KCNH1: variants seen among roughly 807,000 people sequenced by gnomAD.
KCNH1 encodes the protein potassium voltage-gated channel subfamily H member 1, also known as voltage-gated delayed rectifier potassium channel KCNH1.
Under a neutral mutation model 69.2 loss-of-function variants are expected in KCNH1, and 27 were observed. The observed-to-expected ratio is 0.39, with a 90% CI of 0.29 to 0.54. The LOEUF is 0.54. Ranked by LOEUF, KCNH1 falls within the 20% of genes least tolerant of loss-of-function variation. The probability of loss-of-function intolerance (pLI) is 0.68; values close to 1 mark genes in which losing one functional copy is unlikely to be tolerated. For missense variants in KCNH1, 798 were observed against 1,261.6 expected (o/e 0.63, Z 5.57); for synonymous variants, 456 against 487.7 (o/e 0.93, Z 0.86).
chr1:210,958,381 T>C (rs1688223045), intron 6 of KCNH1, among the ~76,000 whole-genome samples: 2 of 152,310 alleles, frequency 1.3e-5, no homozygotes, highest in South Asian at 4.1e-4. Context: ...CTGACAATTA[T>C]GTGACTTGGG....
rs185656618 is a variant in KCNH1 at position 211,067,891 on chromosome 1, G to A, written c.558+14889C>T. ...CGAACAAGTCAGTGAACTACCCTAT[G>A]CCTCTGTTTCCTCCTCTGTAAAACC... On this transcript the variant is annotated intron_variant, in intron 5 of 10. Coordinates refer to ENST00000271751, the MANE Select transcript of KCNH1 (RefSeq NM_172362.3). Among the ~76,000 whole-genome samples, 7 of 152,336 alleles carry A rather than the reference G, an allele frequency of 4.6e-5. No individual in the cohort carries two copies. In the Middle Eastern group the frequency reaches 0.014, roughly 296 times the overall value.
At chr1:210,967,184 G>A (rs1255231173) in intron 6 of KCNH1, among the ~76,000 whole-genome samples, 2 of 152,004 alleles carry the variant, frequency 1.3e-5, no homozygotes, top group Non-Finnish European at 2.9e-5. Context: ...GGGTTGGGGG[G>A]CTAGGGGAGG....
chr1:210,682,370 T>A lies in KCNH1; in HGVS notation c.*911A>T, dbSNP rs1681289797. On this transcript the variant is annotated 3_prime_UTR_variant, in exon 11 of 11. Coordinates refer to ENST00000271751, the MANE Select transcript of KCNH1 (RefSeq NM_172362.3). ...GTCTGCTTTGTTAATAAAGCAACTC[T>A]GGGCTCATGACCCTTCCTGCCGATG... The A allele has an allele frequency of 6.6e-6, 1 of 152,258 alleles. No homozygotes were observed. Among genetic ancestry groups the A allele is most frequent in the African/African-American group, 2.4e-5 (1 of 41,446 alleles). The allele number at this position is 152,258 out of a possible 1,614,324, so 9.4% of individuals were successfully genotyped here.
intron 10 of KCNH1, among the ~76,000 whole-genome samples, chr1:210,715,206 G>T (rs1304751945): frequency 6.6e-6 from 1 of 152,182 alleles, no homozygotes; most frequent in Non-Finnish European, 1.5e-5. Context: ...AGGCTGCAGG[G>T]CTAGTTCTGG....
intron 7 of KCNH1, among the ~76,000 whole-genome samples, chr1:210,813,214 G>A (rs1262630548): frequency 6.6e-6 from 1 of 152,122 alleles, no homozygotes; most frequent in Admixed American, 6.6e-5. Flanking sequence ...AACCTGAATT[G>A]AATTAAAAGA....
At chr1:210,963,892 C>T (rs1240969731) in intron 6 of KCNH1, among the ~76,000 whole-genome samples, 1 of 152,058 alleles carries the variant, frequency 6.6e-6, no homozygotes, top group African/African-American at 2.4e-5. Context: ...AGGAGAACTC[C>T]CCCAATAGAG....
rs545279782 is a variant in KCNH1 at position 211,052,254 on chromosome 1, T to C, written c.558+30526A>G. On this transcript the variant is annotated intron_variant, in intron 5 of 10. Coordinates refer to ENST00000271751, the MANE Select transcript of KCNH1 (RefSeq NM_172362.3). ...GGCCCCCATGTGCACAGGCCAGCCT[T>C]TAGGGCTGGAAGGCAACAGGAAGGC... 3.3e-5 allele frequency among the ~76,000 whole-genome samples: 5 copies of C among 152,306 alleles called. No individual in the cohort carries two copies. In the South Asian group the frequency reaches 8.3e-4, roughly 25 times the overall value.
Position 210,876,372 on chromosome 1 carries a change from T to C in KCNH1, c.1462+43268A>G, listed in dbSNP as rs116909065. Among the ~76,000 whole-genome samples, 182 of 152,268 alleles carry C rather than the reference T, an allele frequency of 1.2e-3. 1 individual carries two copies. The East Asian group carries it at 0.024, about 20-fold the overall frequency. ...CCATCTACCTTCCTCCCATCCTACA[T>C]CTACTTGTCTCTCTGCTTTCTCCAT... is the stretch of plus-strand genomic sequence containing the variant. On this transcript the variant is annotated intron_variant, in intron 7 of 10. Coordinates refer to ENST00000271751, the MANE Select transcript of KCNH1 (RefSeq NM_172362.3).
intron 5 of KCNH1, among the ~76,000 whole-genome samples, chr1:211,072,006 T>G (rs61132669): frequency 0.016 from 2,462 of 152,080 alleles, 70 homozygotes; most frequent in African/African-American, 0.056. Flanking sequence ...CCAGGCAGAG[T>G]GGCTCACACC....
intron 7 of KCNH1, among the ~76,000 whole-genome samples, chr1:210,851,020 A>T (rs1178856758): frequency 6.6e-6 from 1 of 152,168 alleles, no homozygotes; most frequent in African/African-American, 2.4e-5. Flanking sequence ...CACTCACCTA[A>T]AGAGCTGTTC....
intron 10 of KCNH1, among the ~76,000 whole-genome samples, chr1:210,719,948 G>A (rs116812905): frequency 6.4e-4 from 98 of 152,124 alleles, no homozygotes; most frequent in African/African-American, 2.3e-3. Flanking sequence ...CTTTTCTAGC[G>A]CTATGTGTGT....
rs190832196 is a variant in KCNH1 at position 210,878,846 on chromosome 1, T to C, written c.1462+40794A>G. On this transcript the variant is annotated intron_variant, in intron 7 of 10. Transcript: ENST00000271751. ...AGAAAATCAACAAAGCCAAAAGCTG[T>C]TTTTTTGAAAATATCAATAAAATAC... is the stretch of plus-strand genomic sequence containing the variant. Among the ~76,000 whole-genome samples, 365 of 152,060 alleles carry C rather than the reference T, an allele frequency of 2.4e-3. 2 individuals are homozygous for C. The highest frequency in any genetic ancestry group is 8.5e-3 in the African/African-American group (352 of 41,522).
At chr1:211,001,806 T>C (rs149717556) in intron 6 of KCNH1, among the ~76,000 whole-genome samples, 4,032 of 152,162 alleles carry the variant, frequency 0.026, 98 homozygotes, top group South Asian at 0.061. Flanking sequence ...AAATGTGGCA[T>C]ATATACACCA....
chr1:210,806,836 A>AAAAAAAAAATATATATATAT (rs1553346591), intron 7 of KCNH1, among the ~76,000 whole-genome samples: 1 of 85,656 alleles, frequency 1.2e-5, no homozygotes, highest in Non-Finnish European at 2.2e-5. Context: ...AAAAAAAAAA[A>AAAAAAAAAATATATATATAT]ATATATATAT....
intron 10 of KCNH1, among the ~76,000 whole-genome samples, chr1:210,754,850 AC>A (rs1558455964): frequency 9.8e-6 from 1 of 102,460 alleles, no homozygotes; most frequent in Non-Finnish European, 2.2e-5. Context: ...ACGGGCACAC[AC>A]ACACACACAC....
intron 10 of KCNH1, among the ~76,000 whole-genome samples, chr1:210,705,317 G>A (rs943499846): frequency 1.3e-5 from 2 of 152,218 alleles, no homozygotes; most frequent in African/African-American, 2.4e-5. Flanking sequence ...AGCTGGCAGA[G>A]AAGAACTGCA....
At chr1:211,078,888 A>C (rs1171754112) in intron 5 of KCNH1, among the ~76,000 whole-genome samples, 1 of 143,268 alleles carries the variant, frequency 7.0e-6, no homozygotes, top group African/African-American at 2.6e-5. Flanking sequence ...ACTGCACTCC[A>C]GCCTGGGTGA....
intron 7 of KCNH1, among the ~76,000 whole-genome samples, chr1:210,855,364 A>G (rs2102472323): frequency 6.6e-6 from 1 of 152,330 alleles, no homozygotes; most frequent in Middle Eastern, 3.4e-3. Flanking sequence ...GCTTCTAAGC[A>G]AAATTGATTT....
intron 6 of KCNH1, among the ~76,000 whole-genome samples, chr1:210,970,282 A>G (rs1156921822): frequency 6.8e-6 from 1 of 147,134 alleles, no homozygotes; most frequent in East Asian, 2.0e-4. Flanking sequence ...CACCCCCAAC[A>G]GGCCCCGGTG....
Sources: gnomAD v4.1 joint callset for allele counts (sites outside exome capture counted in the v4.1 genomes callset) on GRCh38, gnomAD v4.1.1 for gene constraint, MANE v1.5 for transcripts, NCBI Gene and HGNC (gene_info 2026-07-23, HGNC 2026-07-21) for gene names.